PDE1A: variants seen among roughly 807,000 people sequenced by gnomAD.
PDE1A encodes the protein dual specificity calcium/calmodulin-dependent 3',5'-cyclic nucleotide phosphodiesterase 1A.
Under a neutral mutation model 61.7 loss-of-function variants are expected in PDE1A, and 35 were observed. That is an observed-to-expected ratio of 0.57 (90% CI 0.43 to 0.75). The LOEUF (loss-of-function observed/expected upper bound fraction) is 0.75, where lower values mean the gene tolerates loss of function less well. PDE1A is among the 30% of genes least tolerant of loss of function. The pLI is 0.00. For synonymous variants in PDE1A, 232 were observed against 213.2 expected (o/e 1.09, Z -0.77); for missense variants, 597 against 630.6 (o/e 0.95, Z 0.57).
At chr2:182,609,525 G>A in the PDE1A span, among the ~76,000 whole-genome samples, 1 of 152,164 alleles carries the variant, frequency 6.6e-6, no homozygotes, top group African/African-American at 2.4e-5. Context: ...AAGCCAGCAA[G>A]ACCACGAACC....
At chr2:182,465,400 C>A (rs1327069690) in intron 2 of PDE1A, among the ~76,000 whole-genome samples, 1 of 150,378 alleles carries the variant, frequency 6.6e-6, no homozygotes, top group African/African-American at 2.5e-5. Context: ...AGCAGTGTCT[C>A]AAAAAAATTT....
chr2:182,709,709 T>A, the PDE1A span, among the ~76,000 whole-genome samples: 1 of 152,346 alleles, frequency 6.6e-6, no homozygotes, highest in South Asian at 2.1e-4. Context: ...ATCTCATACA[T>A]ATATCATGGT....
chr2:182,494,909 C>T (rs1688617988), intron 2 of PDE1A, among the ~76,000 whole-genome samples: 1 of 152,116 alleles, frequency 6.6e-6, no homozygotes, highest in Non-Finnish European at 1.5e-5. Flanking sequence ...TCCCTTCTCC[C>T]AACAGAATTC....
chr2:182,362,322 G>A (rs1699557415), intron 1 of PDE1A, among the ~76,000 whole-genome samples: 1 of 151,930 alleles, frequency 6.6e-6, no homozygotes, highest in African/African-American at 2.4e-5. Flanking sequence ...AACCATAGTA[G>A]TGTCAGCAGT....
chr2:182,218,094 A>C (rs1688371381), intron 7 of PDE1A, among the ~76,000 whole-genome samples: 1 of 150,390 alleles, frequency 6.6e-6, no homozygotes, highest in African/African-American at 2.5e-5. Context: ...CAGCCATAAA[A>C]AATGATGAGT....
chr2:182,533,041 G>C, the PDE1A span, among the ~76,000 whole-genome samples: 1 of 150,530 alleles, frequency 6.6e-6, no homozygotes, highest in East Asian at 2.0e-4. Flanking sequence ...GAGGCCAGGC[G>C]CGGCTCAGTC....
the PDE1A span, among the ~76,000 whole-genome samples, chr2:182,626,840 TATATATAC>T: frequency 5.5e-5 from 2 of 36,542 alleles, no homozygotes; most frequent in South Asian, 1.1e-3. Flanking sequence ...TATATATACA[TATATATAC>T]ATATATATAT....
At chr2:182,661,128 G>A in the PDE1A span, among the ~76,000 whole-genome samples, 3 of 152,146 alleles carry the variant, frequency 2.0e-5, no homozygotes, top group Non-Finnish European at 4.4e-5. Flanking sequence ...GTTTAAAAAC[G>A]ACAGTTTTGT....
chr2:182,684,281 C>T, the PDE1A span, among the ~76,000 whole-genome samples: 1 of 151,762 alleles, frequency 6.6e-6, no homozygotes, highest in Non-Finnish European at 1.5e-5. Flanking sequence ...TTGACAATAC[C>T]GTATGTAATA....
chr2:182,167,585 G>A (rs1362356855), downstream of PDE1A, among the ~76,000 whole-genome samples: 2 of 152,012 alleles, frequency 1.3e-5, no homozygotes, highest in Admixed American at 6.6e-5. Context: ...ACTCTGTGAG[G>A]CATAAAAACC....
At chr2:182,569,087 T>TA in the PDE1A span, among the ~76,000 whole-genome samples, 1 of 151,508 alleles carries the variant, frequency 6.6e-6, no homozygotes, top group East Asian at 1.9e-4. Context: ...ACCATATCTC[T>TA]AAAAAAAATT....
Position 182,519,437 on chromosome 2 carries a change from T to C in PDE1A, c.101+2839A>G, listed in dbSNP as rs148652497. Among the ~76,000 whole-genome samples the C allele has an allele frequency of 4.4e-3, 664 of 152,034 alleles. 2 individuals carry two copies. The highest frequency in any genetic ancestry group is 0.015 in the African/African-American group (622 of 41,524). Reference sequence around the variant, plus strand: ...TATGGAAAAAGATAAATAAAAAGATTGTAATATAAGAAGAAAATTAATAGA... The same window carrying C: ...TATGGAAAAAGATAAATAAAAAGATCGTAATATAAGAAGAAAATTAATAGA... On this transcript the variant is annotated intron_variant, in intron 2 of 14. Coordinates refer to the PDE1A transcript ENST00000410103.
chr2:182,152,376 T>C (rs564878799), intron 13 of PDE1A, among the ~76,000 whole-genome samples: 1 of 152,008 alleles, frequency 6.6e-6, no homozygotes, highest in Admixed American at 6.6e-5. Context: ...AAATCTATTT[T>C]AATACCAGGG....
the PDE1A span, among the ~76,000 whole-genome samples, chr2:182,549,121 G>A: frequency 1.3e-5 from 2 of 151,736 alleles, no homozygotes; most frequent in Admixed American, 6.6e-5. Context: ...AATCATCAGT[G>A]TTTCCATTTC....
At chr2:182,472,995 G>T (rs1478090049) in intron 2 of PDE1A, among the ~76,000 whole-genome samples, 1 of 149,984 alleles carries the variant, frequency 6.7e-6, no homozygotes, top group African/African-American at 2.5e-5. Flanking sequence ...AAGTTTTAGG[G>T]TACATGTGCA....
At chr2:182,384,253 T>C (rs1299464466) in intron 1 of PDE1A, among the ~76,000 whole-genome samples, 2 of 151,826 alleles carry the variant, frequency 1.3e-5, no homozygotes, top group Non-Finnish European at 2.9e-5. Flanking sequence ...ACCACAAGAA[T>C]CAAGAAGAAT....
chr2:182,261,863 C>T (rs1692240790), intron 2 of PDE1A, among the ~76,000 whole-genome samples: 3 of 152,038 alleles, frequency 2.0e-5, no homozygotes, highest in South Asian at 2.1e-4. Context: ...AGATGAATAA[C>T]GAAATCTTCA....
the PDE1A span, among the ~76,000 whole-genome samples, chr2:182,563,732 G>A: frequency 3.3e-5 from 5 of 152,150 alleles, no homozygotes; most frequent in Non-Finnish European, 7.4e-5. Flanking sequence ...TTATGAAAGT[G>A]GATGCTCCTG....
the PDE1A span, among the ~76,000 whole-genome samples, chr2:182,703,769 G>A: frequency 6.6e-6 from 1 of 151,954 alleles, no homozygotes; most frequent in African/African-American, 2.4e-5. Context: ...GAAGCCACAA[G>A]GATTAAAAAT....
Sources: gnomAD v4.1 joint callset for allele counts (sites outside exome capture counted in the v4.1 genomes callset) on GRCh38, gnomAD v4.1.1 for gene constraint, MANE v1.5 for transcripts, NCBI Gene and HGNC (gene_info 2026-07-23, HGNC 2026-07-21) for gene names.